Variants in GSE1 observed in about 807,000 individuals in gnomAD.
GSE1 encodes the protein Gse1 coiled-coil protein.
GSE1 carries 32 observed loss-of-function variants against 112.6 expected under a neutral mutation model. That is an observed-to-expected ratio of 0.28 (90% CI 0.21 to 0.38). The LOEUF is 0.38. GSE1 is among the 10% of genes least tolerant of loss of function. The pLI, the probability that GSE1 is intolerant of heterozygous loss-of-function variation, is 1.00. For synonymous variants in GSE1, 1,115 were observed against 735.6 expected (o/e 1.52, Z -8.35); for missense variants, 2,348 against 1,699.2 (o/e 1.38, Z -6.71).
rs966578341 is a variant in GSE1 at position 85,525,187 on chromosome 16, C to A, written c.2465-108727C>A. 2.0e-5 allele frequency among the ~76,000 whole-genome samples: 3 copies of A among 152,044 alleles called. No individual in the cohort carries two copies. The South Asian group carries it at 6.2e-4, about 32-fold the overall frequency. Reference sequence around the variant, plus strand: ...TGGCCGGCCCAGTGGTTTCATCAGCCGGGGAGGGCACCTTGGCAGCAGCTG... The same window carrying A: ...TGGCCGGCCCAGTGGTTTCATCAGCAGGGGAGGGCACCTTGGCAGCAGCTG... On this transcript the variant is annotated intron_variant, in intron 2 of 2. Transcript: ENST00000637419.
chr16:85,228,283 T>C (rs2075523935), intron 1 of GSE1, among the ~76,000 whole-genome samples: 2 of 152,242 alleles, frequency 1.3e-5, no homozygotes, highest in African/African-American at 2.4e-5. Flanking sequence ...TTTGGTTTTC[T>C]TTCCTGTGGC....
chr16:85,235,470 G>GTGTATA (rs1007804094), intron 1 of GSE1, among the ~76,000 whole-genome samples: 1 of 135,140 alleles, frequency 7.4e-6, no homozygotes, highest in African/African-American at 2.8e-5. Context: ...GTGTGTGTGT[G>GTGTATA]TAGGGGGTGT....
intron 1 of GSE1, among the ~76,000 whole-genome samples, chr16:85,225,629 A>G (rs1173940476): frequency 6.6e-6 from 1 of 152,194 alleles, no homozygotes; most frequent in Non-Finnish European, 1.5e-5. Flanking sequence ...GGAGCCCCAC[A>G]AGGATACATT....
intron 1 of GSE1, among the ~76,000 whole-genome samples, chr16:85,319,745 T>C (rs540347514): frequency 6.6e-6 from 1 of 152,356 alleles, no homozygotes; most frequent in South Asian, 2.1e-4. Flanking sequence ...TTCTGCCTCG[T>C]ACTGTGTTAT....
At chr16:85,554,901 A>G, upstream of GSE1, 2 of 985,206 alleles carry the variant, frequency 2.0e-6, no homozygotes, top group Non-Finnish European at 2.4e-6. Flanking sequence ...CCCGCTTCGG[A>G]GCGAAGGGGA....
At chr16:85,380,741 A>G (rs137915063) in intron 2 of GSE1, among the ~76,000 whole-genome samples, 200 of 152,250 alleles carry the variant, frequency 1.3e-3, no homozygotes, top group African/African-American at 4.4e-3. Flanking sequence ...GGGGTCCTGC[A>G]TCAAGCCGCA....
intron 1 of GSE1, among the ~76,000 whole-genome samples, chr16:85,341,563 C>T (rs894716453): frequency 6.6e-6 from 1 of 152,094 alleles, no homozygotes; most frequent in African/African-American, 2.4e-5. Flanking sequence ...GAGGCTGAGG[C>T]AGGAGAATCG....
chr16:85,648,116 C>T (rs2051034486), intron 2 of GSE1, among the ~76,000 whole-genome samples: 1 of 151,910 alleles, frequency 6.6e-6, no homozygotes, highest in Admixed American at 6.6e-5. Flanking sequence ...TCCACAGGCC[C>T]TTGGTTCATG....
At chr16:85,554,847 G>T (rs896902458), upstream of GSE1, 21 of 984,252 alleles carry the variant, frequency 2.1e-5, no homozygotes, top group Non-Finnish European at 2.5e-5. Context: ...CAGCCGGAGG[G>T]GGGGCCAGCG....
chr16:85,392,085 C>T (rs57231718), intron 2 of GSE1, among the ~76,000 whole-genome samples: 8,007 of 152,222 alleles, frequency 0.053, 634 homozygotes, highest in African/African-American at 0.17. Flanking sequence ...CCTCACCCCC[C>T]ACTCCCTCCC....
chr16:85,496,142 G>A (rs910073709), intron 2 of GSE1, among the ~76,000 whole-genome samples: 58 of 152,164 alleles, frequency 3.8e-4, no homozygotes, highest in South Asian at 1.0e-3. Flanking sequence ...CCCAGGGCCC[G>A]AGCCTGCGGT....
intron 1 of GSE1, among the ~76,000 whole-genome samples, chr16:85,264,220 A>G (rs1349667805): frequency 1.3e-5 from 2 of 152,040 alleles, no homozygotes; most frequent in African/African-American, 4.8e-5. Context: ...ATGTTGGGGT[A>G]GAGGGGCCCT....
chr16:85,555,371 C>G (rs2045150389), upstream of GSE1: 1 of 969,344 alleles, frequency 1.0e-6, no homozygotes, highest in Non-Finnish European at 1.2e-6. Flanking sequence ...GGTGGGACGC[C>G]GGGCCAGGGA....
At chr16:85,540,922 T>A (rs4072360) in intron 2 of GSE1, among the ~76,000 whole-genome samples, 56,014 of 151,838 alleles carry the variant, frequency 0.37, 10,664 homozygotes, top group Middle Eastern at 0.52. Context: ...AAAGAAGCCT[T>A]GGGTACATTC....
chr16:85,544,834 G>A (rs1018535927), intron 2 of GSE1, among the ~76,000 whole-genome samples: 2 of 152,242 alleles, frequency 1.3e-5, no homozygotes, highest in Non-Finnish European at 2.9e-5. Flanking sequence ...AGTGCCTGGG[G>A]AGAAGAAAGC....
intron 1 of GSE1, among the ~76,000 whole-genome samples, chr16:85,584,193 C>A (rs759250712): frequency 2.6e-5 from 4 of 152,334 alleles, no homozygotes; most frequent in Admixed American, 6.5e-5. Flanking sequence ...CTTCCTCCCC[C>A]TCTGCGTGTT....
At chr16:85,620,462 A>C (rs1259771580) in intron 1 of GSE1, among the ~76,000 whole-genome samples, 2 of 152,260 alleles carry the variant, frequency 1.3e-5, no homozygotes, top group Non-Finnish European at 2.9e-5. Flanking sequence ...TCCACTAGAC[A>C]GCCGATGCTA....
chr16:85,661,437 C>T lies in GSE1; in HGVS notation c.1932C>T (p.Ala644=), dbSNP rs751058492. 14 of 1,611,994 alleles carry T rather than the reference C, an allele frequency of 8.7e-6. No homozygotes were observed. The highest frequency in any genetic ancestry group is 1.1e-5 in the South Asian group (1 of 91,032). ...AEEGPRKREP[A]PLDKYQPPPP... is the part of the protein sequence containing the mutation. ...AGGGGCCACGGAAGCGTGAGCCTGC[C>T]CCTCTGGACAAGTACCAGCCACCTC... The change falls in exon 9 of 16, where the codon GCC becomes GCT. Residue 644 remains alanine, a synonymous_variant. Coordinates refer to ENST00000253458, the MANE Select transcript of GSE1 (RefSeq NM_014615.5).
In GSE1 at chr16:85,654,260, G is replaced by T. The variant is rs1233030203; in HGVS notation, c.427-18G>T. On this transcript the variant is annotated intron_variant, in intron 3 of 15. Coordinates refer to ENST00000253458, the MANE Select transcript of GSE1 (RefSeq NM_014615.5). The stretch of plus-strand genomic sequence containing the variant: ...CTATACCAGGCTCCTGCCCTGACTG[G>T]ACGCTCTCCTCCCGCAGGATGCCGG... 45 of 1,575,166 alleles carry T rather than the reference G, an allele frequency of 2.9e-5. No individual in the cohort carries two copies. The highest frequency in any genetic ancestry group is 3.6e-5 in the Non-Finnish European group (42 of 1,161,748).
Sources: allele counts gnomAD v4.1 joint callset (sites outside exome capture counted in the v4.1 genomes callset), GRCh38; gene constraint gnomAD v4.1.1; transcripts MANE v1.5; gene names NCBI Gene and HGNC (gene_info 2026-07-23, HGNC 2026-07-21).